The following FGGY variants were observed in gnomAD, a reference collection of about 807,000 sequenced individuals.
The protein encoded by FGGY is FGGY carbohydrate kinase domain-containing protein.
Under a neutral mutation model 71.3 loss-of-function variants are expected in FGGY, and 72 were observed. The observed-to-expected ratio is 1.01, with a 90% CI of 0.84 to 1.23. The LOEUF (loss-of-function observed/expected upper bound fraction) is 1.23, where lower values mean the gene tolerates loss of function less well. Ranked by LOEUF, FGGY falls within the 50% of genes most tolerant of loss-of-function variation. FGGY has a pLI of 0.00. For missense variants in FGGY, 668 were observed against 682.3 expected (o/e 0.98, Z 0.23); for synonymous variants, 251 against 250.3 (o/e 1.00, Z -0.02).
intron 14 of FGGY, among the ~76,000 whole-genome samples, chr1:59,728,195 T>C (rs1435652832): frequency 6.6e-6 from 1 of 152,122 alleles, no homozygotes; most frequent in Non-Finnish European, 1.5e-5. Flanking sequence ...ATATCAATTA[T>C]ACTTCTTTTT....
intron 12 of FGGY, among the ~76,000 whole-genome samples, chr1:59,661,776 G>A (rs977200853): frequency 3.0e-4 from 46 of 151,768 alleles, no homozygotes; most frequent in African/African-American, 1.1e-3. Flanking sequence ...CTGGAGTAGA[G>A]TGGAGCGATC....
At chr1:59,721,333 C>CTTTTTTTTTTTTT (rs1193468922) in intron 14 of FGGY, among the ~76,000 whole-genome samples, 11 of 68,614 alleles carry the variant, frequency 1.6e-4, no homozygotes, top group East Asian at 5.3e-4. Context: ...CTTTTCTTTC[C>CTTTTTTTTTTTTT]TTTGTTTTTT....
At chr1:59,482,939 G>A (rs760308441) in intron 6 of FGGY, among the ~76,000 whole-genome samples, 5 of 151,990 alleles carry the variant, frequency 3.3e-5, no homozygotes, top group Non-Finnish European at 5.9e-5. Flanking sequence ...CAGAGCATAC[G>A]TCAGAACCAC....
chr1:59,392,718 G>A (rs1243043511), intron 5 of FGGY, among the ~76,000 whole-genome samples: 5 of 150,592 alleles, frequency 3.3e-5, no homozygotes, highest in Middle Eastern at 3.2e-3. Flanking sequence ...TTTCTTTTTC[G>A]AAAAAATATA....
At chr1:59,652,914 T>C (rs1366598781) in intron 11 of FGGY, among the ~76,000 whole-genome samples, 1 of 152,182 alleles carries the variant, frequency 6.6e-6, no homozygotes, top group East Asian at 1.9e-4. Flanking sequence ...ATGATGGTGG[T>C]GTACAGATGG....
intron 5 of FGGY, among the ~76,000 whole-genome samples, chr1:59,427,115 A>G (rs1276136188): frequency 6.6e-6 from 1 of 152,178 alleles, no homozygotes; most frequent in Non-Finnish European, 1.5e-5. Context: ...AAGGTTTTCA[A>G]TTCTCCCTTT....
At chr1:59,687,607 C>T (rs1359497957) in intron 14 of FGGY, among the ~76,000 whole-genome samples, 2 of 151,612 alleles carry the variant, frequency 1.3e-5, no homozygotes, top group Non-Finnish European at 2.9e-5. Flanking sequence ...GCTGGGACTA[C>T]AGGTACCCAC....
chr1:59,636,675 TG>T (rs1216619279), intron 10 of FGGY, among the ~76,000 whole-genome samples: 1 of 151,888 alleles, frequency 6.6e-6, no homozygotes, highest in Non-Finnish European at 1.5e-5. Context: ...TACTGGTAAA[TG>T]GGGAAAAAAA....
chr1:59,518,045 A>G lies in FGGY; in HGVS notation c.799+5606A>G, dbSNP rs2094714061. ...GTTTAGCACAACTATTTGATTACCA[A>G]TATTGGATTATTTGGCAGATGTTGA... On this transcript the variant is annotated intron_variant, in intron 7 of 15. Coordinates refer to ENST00000303721, the MANE Select transcript of FGGY (RefSeq NM_018291.5). Among the ~76,000 whole-genome samples the G allele has an allele frequency of 2.0e-5, 3 of 152,190 alleles. No homozygotes were observed. In the South Asian group the frequency reaches 6.2e-4, roughly 32 times the overall value.
intron 11 of FGGY, among the ~76,000 whole-genome samples, chr1:59,654,202 C>T (rs1235975123): frequency 3.3e-5 from 5 of 152,212 alleles, no homozygotes; most frequent in African/African-American, 1.2e-4. Flanking sequence ...TTACTGACAC[C>T]TCTAAATATT....
chr1:59,553,326 G>A (rs1385114314), intron 7 of FGGY, among the ~76,000 whole-genome samples: 1 of 152,178 alleles, frequency 6.6e-6, no homozygotes, highest in Non-Finnish European at 1.5e-5. Context: ...TTTGTGCATA[G>A]AAGGGGCTTA....
intron 6 of FGGY, among the ~76,000 whole-genome samples, chr1:59,464,674 A>C (rs75422910): frequency 0.029 from 4,392 of 152,302 alleles, 207 homozygotes; most frequent in African/African-American, 0.1. Flanking sequence ...TGCAATAAAA[A>C]ATAATATAGG....
chr1:59,580,820 C>T (rs773583309), intron 8 of FGGY, among the ~76,000 whole-genome samples: 2 of 152,132 alleles, frequency 1.3e-5, no homozygotes, highest in Non-Finnish European at 2.9e-5. Context: ...ATATGTTATT[C>T]ATTTTCTTCA....
intron 8 of FGGY, among the ~76,000 whole-genome samples, chr1:59,593,714 T>C (rs1220056114): frequency 2.6e-5 from 4 of 152,230 alleles, no homozygotes; most frequent in African/African-American, 4.8e-5. Flanking sequence ...TCAGAATATC[T>C]TGCCATTCTT....
chr1:59,585,250 CG>C lies in FGGY; in HGVS notation c.904-22552del, dbSNP rs1340608189. On this transcript the variant is annotated intron_variant, in intron 8 of 15. Transcript: ENST00000303721. ...CAAAAGAACAAAGCTAGAGGCATCA[CG>C]CTACCTGACTTCAAACTATACTACC... 5.3e-5 allele frequency among the ~76,000 whole-genome samples: 8 copies of C among 152,260 alleles called. No individual in the cohort carries two copies. In the East Asian group the frequency reaches 1.5e-3, roughly 29 times the overall value.
chr1:59,490,755 A>G (rs1347703920), intron 6 of FGGY, among the ~76,000 whole-genome samples: 1 of 152,026 alleles, frequency 6.6e-6, no homozygotes, highest in Non-Finnish European at 1.5e-5. Context: ...CAGTTTTCTG[A>G]GCACCATTTA....
intron 5 of FGGY, among the ~76,000 whole-genome samples, chr1:59,379,999 T>C (rs1218794245): frequency 6.6e-6 from 1 of 152,064 alleles, no homozygotes; most frequent in Non-Finnish European, 1.5e-5. Flanking sequence ...CCTGTGTCCA[T>C]GTGTTCTCAT....
chr1:59,373,836 G>A (rs1172913446), intron 4 of FGGY, among the ~76,000 whole-genome samples: 1 of 152,158 alleles, frequency 6.6e-6, no homozygotes, highest in Non-Finnish European at 1.5e-5. Context: ...AATGGTGCTG[G>A]GAAAACTGGC....
At chr1:59,490,994 G>C (rs12061985) in intron 6 of FGGY, among the ~76,000 whole-genome samples, 6,129 of 40,934 alleles carry the variant, frequency 0.15, 756 homozygotes, top group African/African-American at 0.23. Context: ...TTGCTTGCTT[G>C]CTTCCTTTCC....
Sources: allele counts gnomAD v4.1 joint callset (sites outside exome capture counted in the v4.1 genomes callset), GRCh38; gene constraint gnomAD v4.1.1; transcripts MANE v1.5; gene names NCBI Gene and HGNC (gene_info 2026-07-23, HGNC 2026-07-21).